The following ST18 variants were observed in gnomAD, a reference collection of about 807,000 sequenced individuals.
The protein encoded by ST18 is ST18 C2H2C-type zinc finger transcription factor, also known as suppression of tumorigenicity 18 protein.
Under a neutral mutation model 110.0 loss-of-function variants are expected in ST18, and 50 were observed. That is an observed-to-expected ratio of 0.45 (90% CI 0.36 to 0.58). The LOEUF (loss-of-function observed/expected upper bound fraction) is 0.58. ST18 is among the 20% of genes least tolerant of loss of function. ST18 has a pLI of 0.00. For missense variants in ST18, 1,306 were observed against 1,280.1 expected (o/e 1.02, Z -0.31); for synonymous variants, 461 against 452.4 (o/e 1.02, Z -0.24).
chr8:52,393,453 C>T (rs145966695), intron 2 of ST18: 238 of 152,256 alleles, frequency 1.6e-3, no homozygotes, highest in African/African-American at 5.6e-3. Flanking sequence ...TGACCAGTTT[C>T]ACGTGGTCAA....
chr8:52,165,106 C>T, intron 12 of ST18, 29 bp downstream of exon 12: 1 of 1,608,370 alleles, frequency 6.2e-7, no homozygotes, highest in Non-Finnish European at 8.5e-7. Context: ...TTTTTAAATG[C>T]AAAATGATTA....
intron 9 of ST18, among the ~76,000 whole-genome samples, chr8:52,174,737 C>T (rs951170137): frequency 2.0e-5 from 3 of 152,118 alleles, no homozygotes; most frequent in Non-Finnish European, 4.4e-5. Flanking sequence ...TTAATTATTC[C>T]TCAGAAAAAG....
chr8:52,366,154 C>CA (rs977008159), intron 2 of ST18, among the ~76,000 whole-genome samples: 1 of 152,110 alleles, frequency 6.6e-6, no homozygotes, highest in Non-Finnish European at 1.5e-5. Context: ...AACGCAGTCT[C>CA]AGGACCTCAG....
intron 19 of ST18, 21 bp from the exon 20 acceptor site, chr8:52,133,322 G>C (rs767565803): frequency 6.2e-7 from 1 of 1,614,100 alleles, no homozygotes; most frequent in East Asian, 2.2e-5. Flanking sequence ...CAGGAAGAGA[G>C]CATGGGCTGA....
At chr8:52,175,039 T>C (rs1373848002) in intron 9 of ST18, among the ~76,000 whole-genome samples, 2 of 152,204 alleles carry the variant, frequency 1.3e-5, no homozygotes, top group African/African-American at 2.4e-5. Flanking sequence ...AAAGCCCTGT[T>C]GTTAGCATCA....
intron 3 of ST18, 84 bp from the exon 4 acceptor site, chr8:52,221,877 T>C (rs1306964456): frequency 1.3e-5 from 2 of 151,834 alleles, no homozygotes; most frequent in Non-Finnish European, 2.9e-5. Flanking sequence ...GCACAGGAGC[T>C]TGGGAATTCT....
chr8:52,125,174 G>A (rs2046522324), intron 23 of ST18, among the ~76,000 whole-genome samples: 1 of 152,112 alleles, frequency 6.6e-6, no homozygotes, highest in Admixed American at 6.6e-5. Context: ...CTCAGAAACT[G>A]TGTCTCTGAA....
chr8:52,179,258 G>T (rs184978090), intron 9 of ST18, among the ~76,000 whole-genome samples: 1 of 152,256 alleles, frequency 6.6e-6, no homozygotes, highest in African/African-American at 2.4e-5. Flanking sequence ...ACTCCTAGAG[G>T]CATGTGACTA....
chr8:52,192,007 A>G lies in ST18; in HGVS notation c.87-11695T>C, dbSNP rs75624067. Among the ~76,000 whole-genome samples, 1,334 of 152,296 alleles carry G rather than the reference A, an allele frequency of 8.8e-3. 17 individuals are homozygous for G. Among genetic ancestry groups the G allele is most frequent in the African/African-American group, 0.031 (1,278 of 41,558 alleles). On this transcript the variant is annotated intron_variant, in intron 8 of 25. Transcript: ENST00000689386. ...AGGAGGCATTAATCCACCCACAGAC[A>G]GAACAACCTGGCCAGGTGGAGTTGT...
Position 52,165,023 on chromosome 8 carries a change from T to C in ST18, c.1295+112A>G, listed in dbSNP as rs537441042. 262 of 954,582 alleles carry C rather than the reference T, an allele frequency of 2.7e-4. 4 individuals are homozygous for C. The South Asian group carries it at 3.0e-3, about 11-fold the overall frequency. The allele number at this position is 954,582 out of a possible 1,614,324, so 59.1% of individuals were successfully genotyped here. On this transcript the variant is annotated intron_variant, in intron 12 of 25. Coordinates refer to ENST00000689386, the MANE Select transcript of ST18 (RefSeq NM_001352837.2). ...CTTCTCTATTTCAAGTGTCACATAT[T>C]GGACAGTGATGCAGCAATTTTCATC... is the stretch of plus-strand genomic sequence containing the variant.
chr8:52,138,534 T>C (rs1027196230), intron 17 of ST18, among the ~76,000 whole-genome samples: 1 of 152,208 alleles, frequency 6.6e-6, no homozygotes, highest in Non-Finnish European at 1.5e-5. Context: ...CAGTGAGCTA[T>C]GATTGTGCTA....
intron 2 of ST18, chr8:52,254,159 T>A (rs2094448418): frequency 6.6e-6 from 1 of 152,136 alleles, no homozygotes; most frequent in South Asian, 2.1e-4. Flanking sequence ...CAAAAGTGAA[T>A]GTTATGACTT....
At chr8:52,303,202 G>T (rs1324238567) in intron 2 of ST18, among the ~76,000 whole-genome samples, 2 of 152,202 alleles carry the variant, frequency 1.3e-5, no homozygotes, top group African/African-American at 4.8e-5. Context: ...GCAGGACCAT[G>T]CACCCTCTGA....
intron 17 of ST18, 21 bp from the exon 18 acceptor site, chr8:52,137,504 T>C (rs898155039): frequency 6.2e-7 from 1 of 1,613,116 alleles, no homozygotes; most frequent in Admixed American, 1.7e-5. Context: ...AGAAAATACA[T>C]CATTAGAGTC....
intron 2 of ST18, among the ~76,000 whole-genome samples, chr8:52,283,193 G>C (rs2095414918): frequency 6.6e-6 from 1 of 152,192 alleles, no homozygotes; most frequent in Non-Finnish European, 1.5e-5. Flanking sequence ...TTTTGGGCTT[G>C]ACAGTGGATG....
chr8:52,130,114 G>GA (rs746350824), intron 22 of ST18, among the ~76,000 whole-genome samples: 11,016 of 108,670 alleles, frequency 0.1, 1,124 homozygotes, highest in African/African-American at 0.28. Context: ...AAGAAAGAAA[G>GA]AAAGAAAAGA....
chr8:52,134,634 T>C lies in ST18; in HGVS notation c.2301-1333A>G, dbSNP rs1049669548. Among the ~76,000 whole-genome samples the C allele has an allele frequency of 5.9e-5, 9 of 152,112 alleles. 1 individual carries two copies. In the East Asian group the frequency reaches 1.7e-3, roughly 29 times the overall value. ...TTTTTTTCTTTTTTCAAATGTAATA[T>C]AAAATGAGCATGCATCTCTTCTGGC... On this transcript the variant is annotated intron_variant, in intron 19 of 25. Coordinates refer to ENST00000689386, the MANE Select transcript of ST18 (RefSeq NM_001352837.2).
intron 2 of ST18, among the ~76,000 whole-genome samples, chr8:52,254,929 A>G (rs2094476708): frequency 6.6e-6 from 1 of 152,154 alleles, no homozygotes; most frequent in African/African-American, 2.4e-5. Context: ...TGCTTCACAG[A>G]AGCTCACGAA....
rs1047131098 is a variant in ST18, at chr8:52,297,894, G to A, written c.-464-67817C>T. ...TAAATGAGAGCTGTTCACAGAAGTT[G>A]TCTAAAACTGGGGTTTCTCACCTGA... On this transcript the variant is annotated intron_variant, in intron 2 of 25. Coordinates refer to ENST00000689386, the MANE Select transcript of ST18 (RefSeq NM_001352837.2). Among the ~76,000 whole-genome samples the A allele has an allele frequency of 2.0e-5, 3 of 152,212 alleles. No homozygotes were observed. The East Asian group carries it at 5.8e-4, about 29-fold the overall frequency.
Sources: allele counts gnomAD v4.1 joint callset (sites outside exome capture counted in the v4.1 genomes callset), GRCh38; gene constraint gnomAD v4.1.1; transcripts MANE v1.5; gene names NCBI Gene and HGNC (gene_info 2026-07-23, HGNC 2026-07-21).